Variants in PTN observed in about 807,000 individuals in gnomAD.
The protein encoded by PTN is heparin affin regulatory protein.
PTN carries 18 observed loss-of-function variants against 24.1 expected under a neutral mutation model. The ratio of observed to expected loss-of-function variants is 0.75; its 90% CI spans 0.52 to 1.11. PTN has a LOEUF of 1.11. Ranked by LOEUF, PTN falls within the 50% of genes least tolerant of loss-of-function variation. The pLI, the probability that PTN is intolerant of heterozygous loss-of-function variation, is 0.00. For synonymous variants in PTN, 78 were observed against 68.6 expected, an observed-to-expected ratio of 1.14 and a Z score of -0.67; for missense variants, 163 against 198.8, an observed-to-expected ratio of 0.82 and a Z score of 1.08.
intron 1 of PTN, among the ~76,000 whole-genome samples, chr7:137,258,987 T>C (rs1183209973): frequency 6.6e-6 from 1 of 152,160 alleles, no homozygotes; most frequent in African/African-American, 2.4e-5. Flanking sequence ...TACTTGTTTC[T>C]CACCCCCTTT....
At chr7:137,272,069 T>G (rs1459847332) in intron 1 of PTN, among the ~76,000 whole-genome samples, 1 of 152,216 alleles carries the variant, frequency 6.6e-6, no homozygotes, top group Non-Finnish European at 1.5e-5. Flanking sequence ...TATACCAGCA[T>G]GCCAAACACT....
chr7:137,314,036 A>G (rs992994103), intron 1 of PTN, among the ~76,000 whole-genome samples: 2 of 152,114 alleles, frequency 1.3e-5, no homozygotes, highest in Non-Finnish European at 2.9e-5. Context: ...TATTTTATGT[A>G]TTATTTATTA....
intron 1 of PTN, among the ~76,000 whole-genome samples, chr7:137,314,635 C>T (rs1484165861): frequency 4.4e-5 from 1 of 22,488 alleles, no homozygotes; most frequent in Non-Finnish European, 8.2e-5. Flanking sequence ...CCCTCTCGCC[C>T]ATGCTGAAAT....
chr7:137,236,383 C>T, intron 4 of PTN: 1 of 635,714 alleles, frequency 1.6e-6, no homozygotes. Flanking sequence ...TGATCTGACC[C>T]ATACATACAT....
At position 137,227,701 on chromosome 7, in the gene PTN, G is replaced by T. The variant is rs1206805961; in HGVS notation, c.*319C>A. The T allele has an allele frequency of 2.0e-5, 4 of 196,506 alleles. No homozygotes were observed. The highest frequency in any genetic ancestry group is 4.0e-5 in the Non-Finnish European group (4 of 98,918). The allele number at this position is 196,506 out of a possible 1,614,324, so 12.2% of individuals were successfully genotyped here. On this transcript the variant is annotated 3_prime_UTR_variant, in exon 5 of 5. Transcript: ENST00000348225. ...TTTACATAGTCATAACATTTAAATTGCTGCCCAAAAAATGTAAAAAAAATT... is the reference window on the plus strand; with the variant it reads ...TTTACATAGTCATAACATTTAAATTTCTGCCCAAAAAATGTAAAAAAAATT...
chr7:137,295,450 T>C (rs941528809), intron 1 of PTN, among the ~76,000 whole-genome samples: 6 of 152,076 alleles, frequency 3.9e-5, no homozygotes, highest in Non-Finnish European at 5.9e-5. Context: ...TCATCTGTTC[T>C]AGAGCCTCAT....
At chr7:137,339,060 G>A (rs1252602031) in intron 1 of PTN, among the ~76,000 whole-genome samples, 2 of 151,938 alleles carry the variant, frequency 1.3e-5, no homozygotes, top group Admixed American at 1.3e-4. Flanking sequence ...ATGAAAAAAG[G>A]AGTGCCCAAA....
chr7:137,232,174 G>T (rs1236603151), intron 4 of PTN, among the ~76,000 whole-genome samples: 1 of 151,994 alleles, frequency 6.6e-6, no homozygotes, highest in South Asian at 2.1e-4. Flanking sequence ...TCCCTGCCTG[G>T]ATTGAGGCTG....
At chr7:137,244,861 T>A (rs1808696265) in intron 4 of PTN, among the ~76,000 whole-genome samples, 1 of 152,194 alleles carries the variant, frequency 6.6e-6, no homozygotes, top group Admixed American at 6.5e-5. Flanking sequence ...TGATGAATTT[T>A]AAGGCAATTT....
chr7:137,319,338 A>G (rs1009549107), intron 1 of PTN, among the ~76,000 whole-genome samples: 3 of 152,232 alleles, frequency 2.0e-5, no homozygotes, highest in Non-Finnish European at 4.4e-5. Flanking sequence ...GTGAGATATT[A>G]CAAAGGGTAA....
At chr7:137,254,317 A>G (rs1253173729) in intron 2 of PTN, among the ~76,000 whole-genome samples, 1 of 151,928 alleles carries the variant, frequency 6.6e-6, no homozygotes, top group Non-Finnish European at 1.5e-5. Context: ...AAAAGAAATA[A>G]CAGTTGTCAA....
intron 4 of PTN, 122 bp from the exon 5 acceptor site, chr7:137,228,197 C>T (rs1168239974): frequency 3.1e-6 from 2 of 653,620 alleles, no homozygotes; most frequent in East Asian, 5.3e-5. Flanking sequence ...GTTGTTTGCT[C>T]TTGGTAGTTC....
intron 1 of PTN, among the ~76,000 whole-genome samples, chr7:137,312,856 A>C (rs951884414): frequency 9.2e-5 from 14 of 152,202 alleles, no homozygotes; most frequent in Admixed American, 2.0e-4. Flanking sequence ...ATTCAAACTA[A>C]TTTACTACTC....
At chr7:137,261,107 C>T (rs565064108) in intron 1 of PTN, among the ~76,000 whole-genome samples, 1 of 151,804 alleles carries the variant, frequency 6.6e-6, no homozygotes, top group East Asian at 1.9e-4. Context: ...ATTATAAATT[C>T]ATGCATTTAT....
At chr7:137,338,634 A>G (rs1193196647) in intron 1 of PTN, among the ~76,000 whole-genome samples, 1 of 152,204 alleles carries the variant, frequency 6.6e-6, no homozygotes, top group African/African-American at 2.4e-5. Context: ...GTTCTTACAT[A>G]TATATTGAGT....
At chr7:137,262,288 GC>G (rs1337959635) in intron 1 of PTN, among the ~76,000 whole-genome samples, 2 of 151,754 alleles carry the variant, frequency 1.3e-5, no homozygotes, top group African/African-American at 4.8e-5. Flanking sequence ...AAAAGCAATT[GC>G]TTTTTTATCT....
intron 1 of PTN, chr7:137,324,683 T>C (rs914110128): frequency 1.3e-5 from 2 of 152,122 alleles, no homozygotes; most frequent in Non-Finnish European, 1.5e-5. Context: ...CAGGCTATGA[T>C]AATTCCCTCC....
chr7:137,248,453 A>C (rs565510604), intron 4 of PTN, among the ~76,000 whole-genome samples: 1 of 152,312 alleles, frequency 6.6e-6, no homozygotes, highest in East Asian at 1.9e-4. Context: ...TGGGAGGCCA[A>C]GGCGGGTGTA....
chr7:137,288,915 A>G (rs1809598858), intron 1 of PTN, among the ~76,000 whole-genome samples: 1 of 152,196 alleles, frequency 6.6e-6, no homozygotes, highest in Admixed American at 6.5e-5. Flanking sequence ...GATAATAACA[A>G]AAGCCTCCAC....
Sources: gnomAD v4.1 joint callset for allele counts (sites outside exome capture counted in the v4.1 genomes callset) on GRCh38, gnomAD v4.1.1 for gene constraint, MANE v1.5 for transcripts, NCBI Gene and HGNC (gene_info 2026-07-23, HGNC 2026-07-21) for gene names.